Variants in SLC39A11 observed in about 807,000 individuals in gnomAD.
SLC39A11 encodes solute carrier family 39 member 11, also known as zinc transporter ZIP11.
SLC39A11 carries 33 observed loss-of-function variants against 36.1 expected under a neutral mutation model. The observed-to-expected ratio is 0.91, with a 90% confidence interval of 0.69 to 1.22. SLC39A11 has a LOEUF of 1.22. Ranked by LOEUF, SLC39A11 falls within the 50% of genes most tolerant of loss-of-function variation. The pLI, the probability that SLC39A11 is intolerant of heterozygous loss-of-function variation, is 0.00. For missense variants in SLC39A11, 432 were observed against 430.3 expected, an observed-to-expected ratio of 1.00 and a Z score of -0.03; for synonymous variants, 166 against 170.3, an observed-to-expected ratio of 0.97 and a Z score of 0.20.
intron 4 of SLC39A11, among the ~76,000 whole-genome samples, chr17:72,963,746 T>C (rs903097): frequency 0.94 from 143,123 of 152,194 alleles, 67,514 homozygotes; most frequent in Middle Eastern, 0.99. Flanking sequence ...ATTATATAGT[T>C]GAGGTTCTGC....
At chr17:72,658,195 G>T (rs887228157) in intron 7 of SLC39A11, among the ~76,000 whole-genome samples, 7 of 152,244 alleles carry the variant, frequency 4.6e-5, no homozygotes, top group Non-Finnish European at 1.0e-4. Flanking sequence ...GCCCACAAGG[G>T]GTGCCAAGGG....
At chr17:72,848,446 G>A (rs913569856) in intron 6 of SLC39A11, among the ~76,000 whole-genome samples, 5 of 152,258 alleles carry the variant, frequency 3.3e-5, no homozygotes, top group East Asian at 3.9e-4. Context: ...ACAGGCCAGC[G>A]TGGTAGCTCA....
intron 6 of SLC39A11, among the ~76,000 whole-genome samples, chr17:72,838,510 A>G (rs992334585): frequency 3.9e-5 from 6 of 152,144 alleles, no homozygotes; most frequent in Non-Finnish European, 7.4e-5. Flanking sequence ...GATTACAGGC[A>G]TGAGCCACTG....
intron 7 of SLC39A11, among the ~76,000 whole-genome samples, chr17:72,708,998 C>T (rs996929324): frequency 6.6e-5 from 10 of 151,516 alleles, no homozygotes; most frequent in South Asian, 2.1e-4. Context: ...TGCAGTGACG[C>T]GATCTCGGCT....
intron 3 of SLC39A11, chr17:73,068,348 T>C: frequency 3.7e-6 from 2 of 536,824 alleles, no homozygotes; most frequent in South Asian, 5.8e-5. Flanking sequence ...CAGGTCTCAA[T>C]TATTCTCAGT....
At chr17:72,775,335 C>G (rs1598674725) in intron 6 of SLC39A11, among the ~76,000 whole-genome samples, 2 of 152,160 alleles carry the variant, frequency 1.3e-5, no homozygotes, top group Non-Finnish European at 2.9e-5. Context: ...CTGTGACCCT[C>G]CTCGAAACAC....
At chr17:72,673,644 G>A (rs1263257102) in intron 7 of SLC39A11, among the ~76,000 whole-genome samples, 2 of 151,882 alleles carry the variant, frequency 1.3e-5, no homozygotes, top group African/African-American at 4.8e-5. Flanking sequence ...TAATTCATTT[G>A]TAATACAACT....
At chr17:72,705,621 G>A (rs779862994) in intron 7 of SLC39A11, among the ~76,000 whole-genome samples, 8 of 152,146 alleles carry the variant, frequency 5.3e-5, no homozygotes, top group Non-Finnish European at 1.2e-4. Flanking sequence ...TACCTAACTC[G>A]ATGGCGGAGG....
At chr17:72,944,762 C>T (rs1193850229) in intron 5 of SLC39A11, among the ~76,000 whole-genome samples, 4 of 152,072 alleles carry the variant, frequency 2.6e-5, no homozygotes, top group African/African-American at 4.8e-5. Flanking sequence ...CCAGAGAGGG[C>T]TAATTAGGTA....
chr17:72,947,521 C>T (rs1354374310), intron 5 of SLC39A11: 3 of 604,368 alleles, frequency 5.0e-6, no homozygotes, highest in South Asian at 2.1e-5. Context: ...TCAAAAGGTA[C>T]CGTTACCTTC....
intron 3 of SLC39A11, chr17:73,067,776 G>T: frequency 9.3e-7 from 1 of 1,070,676 alleles, no homozygotes; most frequent in Non-Finnish European, 1.4e-6. Context: ...GATCACATCT[G>T]TTAAGTCTCT....
chr17:73,023,640 C>G (rs546381698), intron 4 of SLC39A11, among the ~76,000 whole-genome samples: 32 of 150,528 alleles, frequency 2.1e-4, no homozygotes, highest in African/African-American at 7.8e-4. Flanking sequence ...CAGGTGTGTG[C>G]CACCACGCCT....
chr17:72,864,848 C>A (rs1320302504), intron 5 of SLC39A11, among the ~76,000 whole-genome samples: 1 of 152,100 alleles, frequency 6.6e-6, no homozygotes, highest in East Asian at 1.9e-4. Flanking sequence ...GAAAAAGATA[C>A]AAGAAGCTCC....
In SLC39A11 at chr17:72,647,007, C is replaced by T. The variant is rs1483166425; in HGVS notation, c.*577G>A. The T allele has an allele frequency of 1.3e-5, 2 of 151,792 alleles. No homozygotes were observed. Among genetic ancestry groups the T allele is most frequent in the Non-Finnish European group, 2.9e-5 (2 of 67,992 alleles). 9.4% of individuals were successfully genotyped at this position (151,792 alleles called of 1,614,324 possible). On this transcript the variant is annotated 3_prime_UTR_variant, in exon 10 of 10. Coordinates refer to ENST00000255559, the MANE Select transcript of SLC39A11 (RefSeq NM_139177.4). The stretch of plus-strand genomic sequence containing the variant: ...TTTCCTTCCCTTTTTCTGTGTCCCC[C>T]TCCCATGTAGTATCTCCTTAGGGGG...
intron 4 of SLC39A11, among the ~76,000 whole-genome samples, chr17:72,948,173 A>C (rs1351395186): frequency 1.3e-5 from 2 of 152,072 alleles, no homozygotes; most frequent in East Asian, 1.9e-4. Context: ...CCAAACACCA[A>C]AACTCCACTG....
Position 72,966,610 on chromosome 17 carries a change from C to G in SLC39A11, c.307-18735G>C, listed in dbSNP as rs368622568. ...TTTGAGACGGAGGCTCGCTCTGTCGCCCAGGCTGGAGTGCAGTGGCGCGAT... is the reference window on the plus strand; with the variant it reads ...TTTGAGACGGAGGCTCGCTCTGTCGGCCAGGCTGGAGTGCAGTGGCGCGAT... On this transcript the variant is annotated intron_variant, in intron 4 of 9. Coordinates refer to ENST00000255559, the MANE Select transcript of SLC39A11 (RefSeq NM_139177.4). Among the ~76,000 whole-genome samples the G allele has an allele frequency of 1.6e-4, 24 of 152,246 alleles. No homozygotes were observed. In the East Asian group the frequency reaches 2.7e-3, roughly 17 times the overall value.
chr17:72,828,627 T>G (rs1395429764), intron 6 of SLC39A11, among the ~76,000 whole-genome samples: 1 of 152,210 alleles, frequency 6.6e-6, no homozygotes, highest in Non-Finnish European at 1.5e-5. Flanking sequence ...TGAGTTCCTG[T>G]TTGAGAGGAG....
intron 3 of SLC39A11, among the ~76,000 whole-genome samples, chr17:73,034,920 A>C (rs1269747332): frequency 6.6e-6 from 1 of 152,202 alleles, no homozygotes; most frequent in Non-Finnish European, 1.5e-5. Flanking sequence ...ATGCAAACGC[A>C]TCCCAGCTGA....
intron 5 of SLC39A11, among the ~76,000 whole-genome samples, chr17:72,865,894 A>T (rs1363497569): frequency 6.6e-6 from 1 of 152,254 alleles, no homozygotes; most frequent in African/African-American, 2.4e-5. Flanking sequence ...AGTCATTTCT[A>T]TTGAAAACTC....
Sources: gnomAD v4.1 joint callset for allele counts (sites outside exome capture counted in the v4.1 genomes callset) on GRCh38, gnomAD v4.1.1 for gene constraint, MANE v1.5 for transcripts, NCBI Gene and HGNC (gene_info 2026-07-23, HGNC 2026-07-21) for gene names.